The following MRRF variants were observed in gnomAD, a reference collection of about 807,000 sequenced individuals.
MRRF encodes ribosome-recycling factor, mitochondrial.
Under a neutral mutation model 25.1 loss-of-function variants are expected in MRRF, and 18 were observed. The observed-to-expected ratio is 0.72, with a 90% CI of 0.50 to 1.06. The LOEUF is 1.06. Among genes scored for constraint, MRRF ranks in the 50% least tolerant of loss-of-function variants. The probability of loss-of-function intolerance (pLI) is 0.00; values close to 1 mark genes in which losing one functional copy is unlikely to be tolerated. For synonymous variants in MRRF, 113 were observed against 112.1 expected (o/e 1.01, Z -0.05); for missense variants, 323 against 319.3 (o/e 1.01, Z -0.09).
chr9:122,275,172 T>A (rs1832701701), intron 2 of MRRF, among the ~76,000 whole-genome samples: 1 of 151,980 alleles, frequency 6.6e-6, no homozygotes, highest in Non-Finnish European at 1.5e-5. Context: ...TTACTAACTA[T>A]AGTCCTCCTA....
chr9:122,286,101 G>A, intron 4 of MRRF: 1 of 1,268,812 alleles, frequency 7.9e-7, no homozygotes, highest in Non-Finnish European at 1.0e-6. Flanking sequence ...ACCACCAACT[G>A]GCTGTTTGAC....
intron 5 of MRRF, among the ~76,000 whole-genome samples, chr9:122,303,185 A>G (rs1216398620): frequency 6.6e-6 from 1 of 151,970 alleles, no homozygotes; most frequent in Non-Finnish European, 1.5e-5. Context: ...GTATAACGAA[A>G]AGTTCATTTA....
chr9:122,293,964 C>T (rs769401394), intron 5 of MRRF, among the ~76,000 whole-genome samples: 1 of 152,192 alleles, frequency 6.6e-6, no homozygotes, highest in East Asian at 1.9e-4. Context: ...TACCTTTCTC[C>T]TGCATTTTCT....
At chr9:122,298,725 C>G (rs1394447289) in intron 5 of MRRF, among the ~76,000 whole-genome samples, 1 of 152,124 alleles carries the variant, frequency 6.6e-6, no homozygotes, top group African/African-American at 2.4e-5. Flanking sequence ...AGTGAATAAG[C>G]CAGACAAAAC....
At chr9:122,302,662 A>G (rs1564501425) in intron 5 of MRRF, among the ~76,000 whole-genome samples, 3 of 152,176 alleles carry the variant, frequency 2.0e-5, no homozygotes, top group East Asian at 3.9e-4. Context: ...TACCACTGCT[A>G]TGAACATTAT....
chr9:122,319,874 ATTTTTTTTTT>A (rs975991164), intron 6 of MRRF, among the ~76,000 whole-genome samples: 1 of 129,990 alleles, frequency 7.7e-6, no homozygotes, highest in Non-Finnish European at 1.6e-5. Context: ...ATTTTCATTA[ATTTTTTTTTT>A]TTTTTTTTTT....
intron 6 of MRRF, among the ~76,000 whole-genome samples, chr9:122,321,737 T>C (rs932493492): frequency 1.3e-5 from 2 of 152,194 alleles, no homozygotes; most frequent in Non-Finnish European, 2.9e-5. Flanking sequence ...TGTACCTCAT[T>C]TTTTTTCAAG....
rs575491969 is a variant in MRRF at position 122,313,332 on chromosome 9, G to C, written c.657G>C (p.Leu219=). The C allele has an allele frequency of 1.2e-6, 2 of 1,614,118 alleles. No homozygotes were observed. Among genetic ancestry groups the C allele is most frequent in the East Asian group, 4.5e-5 (2 of 44,884 alleles). ...TTCGCACCAACTCAATGAACAAGCT[G>C]AAGAAATCCAAGGATACAGTCTCAG... The part of the protein sequence containing the change: ...RKVRTNSMNK[L]KKSKDTVSED... Residue 219 remains leucine (L), a synonymous_variant, in exon 6 of 7, where the codon CTG becomes CTC. Transcript: ENST00000344641.
intron 5 of MRRF, among the ~76,000 whole-genome samples, chr9:122,301,010 C>G (rs986595515): frequency 3.3e-5 from 5 of 152,106 alleles, no homozygotes; most frequent in African/African-American, 1.2e-4. Flanking sequence ...CCTAAAGCTT[C>G]AAGATCGTTA....
intron 1 of MRRF, among the ~76,000 whole-genome samples, chr9:122,266,466 C>T (rs2119002825): frequency 6.6e-6 from 1 of 152,254 alleles, no homozygotes; most frequent in African/African-American, 2.4e-5. Context: ...TTTGAAGACC[C>T]TGGAGCAGGG....
At chr9:122,295,611 A>G (rs1378936042) in intron 5 of MRRF, among the ~76,000 whole-genome samples, 1 of 151,900 alleles carries the variant, frequency 6.6e-6, no homozygotes, top group Non-Finnish European at 1.5e-5. Context: ...ACGTCTGGCT[A>G]ATTTTTGTAT....
chr9:122,279,621 T>G (rs1232968590), intron 2 of MRRF, among the ~76,000 whole-genome samples: 3 of 152,246 alleles, frequency 2.0e-5, no homozygotes, highest in Non-Finnish European at 4.4e-5. Flanking sequence ...TCACAGAAAT[T>G]ATCTATGTAT....
At chr9:122,273,688 C>A (rs549415456) in intron 2 of MRRF, among the ~76,000 whole-genome samples, 2 of 152,226 alleles carry the variant, frequency 1.3e-5, no homozygotes, top group Admixed American at 1.3e-4. Flanking sequence ...TCCAAACTTA[C>A]CACATGTCCC....
chr9:122,297,571 A>G (rs2118853013), intron 5 of MRRF, among the ~76,000 whole-genome samples: 1 of 152,150 alleles, frequency 6.6e-6, no homozygotes, highest in East Asian at 1.9e-4. Context: ...ACTTACATTA[A>G]CCAGTTCCCA....
At chr9:122,287,807 A>C (rs1833503971) in intron 4 of MRRF, among the ~76,000 whole-genome samples, 1 of 152,216 alleles carries the variant, frequency 6.6e-6, no homozygotes, top group East Asian at 1.9e-4. Flanking sequence ...GAACAGAATG[A>C]GGAAGTGTGA....
chr9:122,277,412 A>G (rs2119076013), intron 2 of MRRF, among the ~76,000 whole-genome samples: 1 of 152,274 alleles, frequency 6.6e-6, no homozygotes, highest in East Asian at 1.9e-4. Context: ...GTGATCTTTT[A>G]TAATTTTTAA....
chr9:122,318,886 A>G lies in MRRF; in HGVS notation c.712-3654A>G, dbSNP rs1835698065. On this transcript the variant is annotated intron_variant, in intron 6 of 6. Coordinates refer to ENST00000344641, the MANE Select transcript of MRRF (RefSeq NM_138777.5). ...ATTGATATGAGGACCAAATGAGGCTACATACTTAAAAGTGGCTAGTATGGT... is the reference window on the plus strand; with the variant it reads ...ATTGATATGAGGACCAAATGAGGCTGCATACTTAAAAGTGGCTAGTATGGT... 2.0e-5 allele frequency among the ~76,000 whole-genome samples: 3 copies of G among 152,198 alleles called. No homozygotes were observed. The South Asian group carries it at 6.2e-4, about 32-fold the overall frequency.
rs1389305655 is a variant in MRRF at position 122,325,796 on chromosome 9, A to G, written c.*3179A>G. ...TTCCAGACCTCCTTTCTCTGTGCAT[A>G]TATGTGTGTGTGTGTGTGTGTGTTC... On this transcript the variant is annotated 3_prime_UTR_variant, in exon 7 of 7. Transcript: ENST00000344641. 1 of 141,098 alleles carries G rather than the reference A, an allele frequency of 7.1e-6. No individual in the cohort carries two copies. Among genetic ancestry groups the G allele is most frequent in the Non-Finnish European group, 1.5e-5 (1 of 64,990 alleles). 8.7% of individuals were successfully genotyped at this position (141,098 alleles called of 1,614,324 possible).
intron 5 of MRRF, among the ~76,000 whole-genome samples, chr9:122,303,151 C>T (rs1834579017): frequency 6.6e-6 from 1 of 151,916 alleles, no homozygotes; most frequent in African/African-American, 2.4e-5. Context: ...ATAAGTTTAT[C>T]CCAAAAATTC....
Sources: allele counts gnomAD v4.1 joint callset (sites outside exome capture counted in the v4.1 genomes callset), GRCh38; gene constraint gnomAD v4.1.1; transcripts MANE v1.5; gene names NCBI Gene and HGNC (gene_info 2026-07-23, HGNC 2026-07-21).